GULP1: variants seen among roughly 807,000 people sequenced by gnomAD.
The protein encoded by GULP1 is PTB domain-containing engulfment adapter protein 1.
GULP1 carries 19 observed loss-of-function variants against 40.9 expected under a neutral mutation model. That is an observed-to-expected ratio of 0.46 (90% confidence interval 0.32 to 0.68). GULP1 has a LOEUF of 0.68. GULP1 is among the 30% of genes least tolerant of loss of function. The pLI, the probability that GULP1 is intolerant of heterozygous loss-of-function variation, is 0.03. For missense variants in GULP1, 312 were observed against 362.2 expected, an observed-to-expected ratio of 0.86 and a Z score of 1.12; for synonymous variants, 119 against 117.6, an observed-to-expected ratio of 1.01 and a Z score of -0.08.
intron 7 of GULP1, among the ~76,000 whole-genome samples, chr2:188,563,980 AAATC>A (rs1697002603): frequency 6.6e-6 from 1 of 152,032 alleles, no homozygotes. Context: ...AACATAAGAA[AAATC>A]AATCAACGTA....
intron 1 of GULP1, among the ~76,000 whole-genome samples, chr2:188,332,701 C>T (rs1436024268): frequency 6.6e-6 from 1 of 151,916 alleles, no homozygotes; most frequent in Non-Finnish European, 1.5e-5. Context: ...CAGTCTTATC[C>T]AAGCAGATGT....
At chr2:188,467,359 G>A (rs1349116014) in intron 2 of GULP1, among the ~76,000 whole-genome samples, 1 of 152,048 alleles carries the variant, frequency 6.6e-6, no homozygotes, top group Non-Finnish European at 1.5e-5. Context: ...GAAACTTACA[G>A]TTTGAGATTT....
chr2:188,510,006 G>A (rs183994143), intron 4 of GULP1, among the ~76,000 whole-genome samples: 2 of 152,126 alleles, frequency 1.3e-5, no homozygotes, highest in Admixed American at 1.3e-4. Context: ...AAATCATAAC[G>A]ATAATCCAGT....
intron 1 of GULP1, among the ~76,000 whole-genome samples, chr2:188,352,448 G>A (rs2044579753): frequency 6.6e-6 from 1 of 152,006 alleles, no homozygotes; most frequent in Non-Finnish European, 1.5e-5. Flanking sequence ...CTGATTCTCA[G>A]GCCTTTGTAC....
chr2:188,544,447 T>C (rs1203508829), intron 7 of GULP1, among the ~76,000 whole-genome samples: 1 of 151,730 alleles, frequency 6.6e-6, no homozygotes, highest in South Asian at 2.1e-4. Context: ...AAATGACGAG[T>C]TAATGGGTGC....
At chr2:188,497,153 T>C (rs1316678949) in intron 4 of GULP1, among the ~76,000 whole-genome samples, 1 of 152,040 alleles carries the variant, frequency 6.6e-6, no homozygotes, top group East Asian at 1.9e-4. Flanking sequence ...AAAAAACGTA[T>C]AGCAGAATTC....
intron 2 of GULP1, among the ~76,000 whole-genome samples, chr2:188,446,910 G>A (rs1213146242): frequency 1.3e-5 from 2 of 152,224 alleles, no homozygotes; most frequent in East Asian, 3.9e-4. Context: ...AATATTTGAA[G>A]AGATTTATTC....
At chr2:188,567,954 A>G (rs899640240) in intron 7 of GULP1, among the ~76,000 whole-genome samples, 7 of 152,178 alleles carry the variant, frequency 4.6e-5, no homozygotes, top group East Asian at 1.9e-4. Context: ...ATGAACATGC[A>G]TACATTGGTA....
chr2:188,423,429 T>G (rs966993174), intron 2 of GULP1, among the ~76,000 whole-genome samples: 3 of 151,976 alleles, frequency 2.0e-5, no homozygotes, highest in African/African-American at 4.8e-5. Flanking sequence ...ATATTCTTTT[T>G]GCTACACAGT....
intron 9 of GULP1, among the ~76,000 whole-genome samples, chr2:188,573,041 T>C (rs577152289): frequency 1.3e-5 from 2 of 152,298 alleles, no homozygotes; most frequent in South Asian, 4.1e-4. Context: ...TAGAATTTAT[T>C]TGATTTTTAG....
intron 2 of GULP1, among the ~76,000 whole-genome samples, chr2:188,412,863 C>T (rs1162713376): frequency 6.6e-6 from 1 of 152,160 alleles, no homozygotes; most frequent in Non-Finnish European, 1.5e-5. Flanking sequence ...TTAGTGCCTG[C>T]TTTGTTTCTG....
chr2:188,299,497 A>G (rs571636385), intron 1 of GULP1, among the ~76,000 whole-genome samples: 14 of 152,316 alleles, frequency 9.2e-5, no homozygotes, highest in African/African-American at 2.4e-5. Flanking sequence ...CACTTAATAT[A>G]CATTTGAAGT....
chr2:188,450,854 T>C (rs1414153863), intron 2 of GULP1, among the ~76,000 whole-genome samples: 2 of 152,174 alleles, frequency 1.3e-5, no homozygotes, highest in African/African-American at 2.4e-5. Flanking sequence ...ACTTTACTAT[T>C]CAACAAGGAT....
Position 188,555,313 on chromosome 2 carries a change from A to C in GULP1, c.400-13926A>C, listed in dbSNP as rs1694474141. On this transcript the variant is annotated intron_variant, in intron 7 of 11. Transcript: ENST00000409830. ...CCCTTGTGTTATTTCTTTACCAATG[A>C]GTTTTATACTTTCTTGTGTTTTCCT... 2.6e-5 allele frequency among the ~76,000 whole-genome samples: 4 copies of C among 152,076 alleles called. No individual in the cohort carries two copies. In the South Asian group the frequency reaches 8.3e-4, roughly 32 times the overall value.
intron 2 of GULP1, among the ~76,000 whole-genome samples, chr2:188,403,799 C>CA: frequency 6.6e-6 from 1 of 152,234 alleles, no homozygotes; most frequent in South Asian, 2.1e-4. Context: ...TAACTCATTG[C>CA]TAAGTTGGGA....
intron 6 of GULP1, among the ~76,000 whole-genome samples, chr2:188,535,970 T>C (rs540228925): frequency 6.6e-6 from 1 of 152,294 alleles, no homozygotes; most frequent in South Asian, 2.1e-4. Flanking sequence ...TTTTTTCATG[T>C]TTATTTGCAG....
chr2:188,499,127 A>ATG (rs66692417), intron 4 of GULP1, among the ~76,000 whole-genome samples: 29 of 116,562 alleles, frequency 2.5e-4, no homozygotes, highest in Middle Eastern at 8.9e-3. Context: ...ATGCACATAT[A>ATG]TGTGTGTGTA....
chr2:188,464,747 C>A (rs1383614912), intron 2 of GULP1, among the ~76,000 whole-genome samples: 1 of 152,096 alleles, frequency 6.6e-6, no homozygotes. Flanking sequence ...ATTTTTGCCT[C>A]CCCTTTCCAA....
chr2:188,461,407 G>A lies in GULP1; in HGVS notation c.-44-16252G>A, dbSNP rs560920962. ...ATGATCTCAGCTCACTGCAACCTCC[G>A]CCTCCTAAACTCAAGCAATTCTCCT... On this transcript the variant is annotated intron_variant, in intron 2 of 11. Transcript: ENST00000409830. 2.4e-3 allele frequency among the ~76,000 whole-genome samples: 347 copies of A among 144,906 alleles called. 2 individuals are homozygous for A. The highest frequency in any genetic ancestry group is 8.1e-3 in the African/African-American group (313 of 38,834).
Sources: gnomAD v4.1 joint callset for allele counts (sites outside exome capture counted in the v4.1 genomes callset) on GRCh38, gnomAD v4.1.1 for gene constraint, MANE v1.5 for transcripts, NCBI Gene and HGNC (gene_info 2026-07-23, HGNC 2026-07-21) for gene names.